H6PD: variants seen among roughly 807,000 people sequenced by gnomAD.
The protein encoded by H6PD is hexose-6-phosphate dehydrogenase/glucose 1-dehydrogenase.
Under a neutral mutation model 61.2 loss-of-function variants are expected in H6PD, and 48 were observed. The ratio of observed to expected loss-of-function variants is 0.78; its 90% CI spans 0.62 to 1.00. The LOEUF (loss-of-function observed/expected upper bound fraction) is 1.00, where lower values mean the gene tolerates loss of function less well. H6PD is among the 50% of genes least tolerant of loss of function. The pLI, the probability that H6PD is intolerant of heterozygous loss-of-function variation, is 0.00. For missense variants in H6PD, 1,093 were observed against 1,065.0 expected, an observed-to-expected ratio of 1.03 and a Z score of -0.37; for synonymous variants, 480 against 457.9, an observed-to-expected ratio of 1.05 and a Z score of -0.62.
intron 1 of H6PD, among the ~76,000 whole-genome samples, chr1:9,237,835 G>A (rs1339044860): frequency 6.6e-6 from 1 of 152,136 alleles, no homozygotes; most frequent in Non-Finnish European, 1.5e-5. Flanking sequence ...TGTGCAAATG[G>A]GATTTATTTG....
Position 9,266,535 on chromosome 1 carries a change from A to G in H6PD, c.*1666A>G, listed in dbSNP as rs934653358. 6.6e-6 allele frequency: 1 copy of G among 152,188 alleles called. No homozygotes were observed. Among genetic ancestry groups the G allele is most frequent in the Non-Finnish European group, 1.5e-5 (1 of 68,036 alleles). 9.4% of individuals were successfully genotyped at this position (152,188 alleles called of 1,614,324 possible). On this transcript the variant is annotated 3_prime_UTR_variant, in exon 5 of 5. Coordinates refer to ENST00000377403, the MANE Select transcript of H6PD (RefSeq NM_004285.4). Reference sequence around the variant, plus strand: ...GTATCCCACAACTTAAGGCTGGGAGATGGAACTCTTGGTTAAGGTCGATTT... The same window carrying G: ...GTATCCCACAACTTAAGGCTGGGAGGTGGAACTCTTGGTTAAGGTCGATTT...
At chr1:9,249,183 C>T (rs1480454237) in intron 3 of H6PD, among the ~76,000 whole-genome samples, 1 of 152,162 alleles carries the variant, frequency 6.6e-6, no homozygotes, top group Non-Finnish European at 1.5e-5. Flanking sequence ...CTGGAGTTAC[C>T]TGTTGGTACT....
At chr1:9,235,626 T>C (rs976470025) in intron 1 of H6PD, among the ~76,000 whole-genome samples, 6 of 152,210 alleles carry the variant, frequency 3.9e-5, no homozygotes, top group African/African-American at 1.4e-4. Context: ...CTTTTACTTA[T>C]AAAAGATGGG....
At chr1:9,248,344 C>T (rs79213002) in intron 3 of H6PD, among the ~76,000 whole-genome samples, 1,832 of 152,304 alleles carry the variant, frequency 0.012, 37 homozygotes, top group African/African-American at 0.042. Context: ...GCTGCTTCTC[C>T]CTTCCTCTCT....
At position 9,244,918 on chromosome 1, in the gene H6PD, AC is replaced by A; in HGVS notation, c.-10-3del. On this transcript the variant is annotated splice_region_variant and splice_polypyrimidine_tract_variant and intron_variant, in intron 1 of 4. Transcript: ENST00000377403. ...TTGTTCCTCGTCTGTCTCTCTTTGC[AC>A]CCCAGGCACCCAGGCATGTGGAATA... is the stretch of plus-strand genomic sequence containing the variant. 1.9e-6 allele frequency: 3 copies of A among 1,604,770 alleles called. No homozygotes were observed. Among genetic ancestry groups the A allele is most frequent in the Non-Finnish European group, 2.6e-6 (3 of 1,174,042 alleles).
intron 1 of H6PD, among the ~76,000 whole-genome samples, chr1:9,237,411 T>G (rs560290059): frequency 5.1e-4 from 78 of 152,194 alleles, no homozygotes; most frequent in African/African-American, 1.9e-3. Flanking sequence ...TTTTGTATTG[T>G]TAGTAGAGAC....
intron 3 of H6PD, among the ~76,000 whole-genome samples, chr1:9,249,161 G>C (rs975642456): frequency 6.6e-6 from 1 of 152,184 alleles, no homozygotes; most frequent in Non-Finnish European, 1.5e-5. Flanking sequence ...GGCTGGGGAA[G>C]AGCCATGATG....
rs1640832605 is a variant in H6PD, at chr1:9,235,736, G to A, written c.-11+670G>A. Among the ~76,000 whole-genome samples, 4 of 152,120 alleles carry A rather than the reference G, an allele frequency of 2.6e-5. No homozygotes were observed. The South Asian group carries it at 8.3e-4, about 32-fold the overall frequency. ...GGCCATCGTCCTGCCTCAGCCTCCGGGGTAGCTGGGACCACAGGCGCACAC... is the reference window on the plus strand; with the variant it reads ...GGCCATCGTCCTGCCTCAGCCTCCGAGGTAGCTGGGACCACAGGCGCACAC... On this transcript the variant is annotated intron_variant, in intron 1 of 4. Transcript: ENST00000377403.
chr1:9,248,807 C>G (rs1323423062), intron 3 of H6PD, among the ~76,000 whole-genome samples: 1 of 152,160 alleles, frequency 6.6e-6, no homozygotes, highest in Non-Finnish European at 1.5e-5. Context: ...GAAAAGAGGC[C>G]CTACCCCCTG....
intron 4 of H6PD, 69 bp from the exon 5 acceptor site, chr1:9,263,440 G>A: frequency 6.7e-7 from 1 of 1,489,650 alleles, no homozygotes; most frequent in East Asian, 2.3e-5. Context: ...CCGGCAAGGA[G>A]AGGAGAGGGC....
intron 1 of H6PD, among the ~76,000 whole-genome samples, chr1:9,237,685 T>A (rs190559850): frequency 6.6e-6 from 1 of 152,152 alleles, no homozygotes; most frequent in African/African-American, 2.4e-5. Context: ...AGTTAAATAC[T>A]CCATAAATAG....
At chr1:9,260,808 C>T (rs1299310180) in intron 3 of H6PD, among the ~76,000 whole-genome samples, 2 of 152,010 alleles carry the variant, frequency 1.3e-5, no homozygotes, top group Admixed American at 1.3e-4. Flanking sequence ...CACAGTTACC[C>T]CGTACACCTG....
Position 9,268,072 on chromosome 1 carries a change from A to G in H6PD, c.*3203A>G, listed in dbSNP as rs1360478996. 1 of 151,982 alleles carries G rather than the reference A, an allele frequency of 6.6e-6. No individual in the cohort carries two copies. Among genetic ancestry groups the G allele is most frequent in the Non-Finnish European group, 1.5e-5 (1 of 68,018 alleles). 9.4% of individuals were successfully genotyped at this position (151,982 alleles called of 1,614,324 possible). On this transcript the variant is annotated 3_prime_UTR_variant, in exon 5 of 5. Transcript: ENST00000377403. ...AGCCTGGGCAACATAGTGAGACCCCATCTCTACAAAAAGTTTTAAAACCAG... is the reference window on the plus strand; with the variant it reads ...AGCCTGGGCAACATAGTGAGACCCCGTCTCTACAAAAAGTTTTAAAACCAG...
chr1:9,263,396 G>A (rs1326646720), intron 4 of H6PD, 113 bp from the exon 5 acceptor site: 3 of 898,932 alleles, frequency 3.3e-6, no homozygotes, highest in African/African-American at 1.6e-5. Flanking sequence ...GCAAGGCGAG[G>A]GGCTTCCCTG....
chr1:9,237,045 A>C (rs1640867524), intron 1 of H6PD, among the ~76,000 whole-genome samples: 1 of 152,104 alleles, frequency 6.6e-6, no homozygotes, highest in African/African-American at 2.4e-5. Context: ...GGAGCAGAGA[A>C]ACAGCCTGTC....
chr1:9,251,436 CTGT>C (rs58988268), intron 3 of H6PD, among the ~76,000 whole-genome samples: 6,094 of 151,186 alleles, frequency 0.04, 218 homozygotes, highest in Non-Finnish European at 0.053. Context: ...AGAAGGCCTG[CTGT>C]TGTTGTTGTT....
At chr1:9,247,186 T>A in intron 3 of H6PD, 103 bp downstream of exon 3, 1 of 831,820 alleles carries the variant, frequency 1.2e-6, no homozygotes, top group Non-Finnish European at 2.1e-6. Context: ...TGTGGGTGTG[T>A]GGTCTCCCTT....
Position 9,264,998 on chromosome 1 carries a change from C to A in H6PD, c.*129C>A. 1.0e-6 allele frequency: 1 copy of A among 973,936 alleles called. No individual in the cohort carries two copies. Among genetic ancestry groups the A allele is most frequent in the South Asian group, 1.4e-5 (1 of 73,278 alleles). 60.3% of individuals were successfully genotyped at this position (973,936 alleles called of 1,614,324 possible). A position where few individuals can be genotyped will look rare whatever the true frequency, so the allele number is the denominator to read the frequency against. ...GAACCTTCTATCCCACAGTCAGGCC[C>A]CAGAGAGGGCAGGACAAGCCTTGTC... On this transcript the variant is annotated 3_prime_UTR_variant, in exon 5 of 5. Transcript: ENST00000377403.
intron 2 of H6PD, among the ~76,000 whole-genome samples, chr1:9,246,349 C>A (rs936974243): frequency 2.6e-5 from 4 of 152,230 alleles, no homozygotes; most frequent in African/African-American, 9.6e-5. Flanking sequence ...AAGTCCTGGG[C>A]AGGAGCATGG....
Sources: allele counts gnomAD v4.1 joint callset (sites outside exome capture counted in the v4.1 genomes callset), GRCh38; gene constraint gnomAD v4.1.1; transcripts MANE v1.5; gene names NCBI Gene and HGNC (gene_info 2026-07-23, HGNC 2026-07-21).